Variants in CNIH4 observed in about 807,000 individuals in gnomAD.
CNIH4 encodes cornichon family member 4.
CNIH4 carries 9 observed loss-of-function variants against 21.5 expected under a neutral mutation model. That is an observed-to-expected ratio of 0.42 (90% confidence interval 0.25 to 0.73). The LOEUF (loss-of-function observed/expected upper bound fraction) is 0.73, where lower values mean the gene tolerates loss of function less well. Among genes scored for constraint, CNIH4 ranks in the 30% least tolerant of loss-of-function variants. CNIH4 has a pLI of 0.27. For synonymous variants in CNIH4, 67 were observed against 59.1 expected (o/e 1.13, Z -0.61); for missense variants, 159 against 170.0 (o/e 0.94, Z 0.36).
intron 3 of CNIH4, among the ~76,000 whole-genome samples, chr1:224,366,468 C>T (rs1406503774): frequency 2.0e-5 from 3 of 151,950 alleles, no homozygotes; most frequent in Non-Finnish European, 4.4e-5. Context: ...TCTCCTGCCT[C>T]AGCCTCCTGA....
At chr1:224,370,277 T>C (rs1198194134) in intron 3 of CNIH4, among the ~76,000 whole-genome samples, 1 of 152,032 alleles carries the variant, frequency 6.6e-6, no homozygotes, top group East Asian at 1.9e-4. Flanking sequence ...TGAGATGTTA[T>C]CTGGATATTC....
chr1:224,376,792 A>G lies in CNIH4; in HGVS notation c.*970A>G. 5 of 939,022 alleles carry G rather than the reference A, an allele frequency of 5.3e-6. No homozygotes were observed. The highest frequency in any genetic ancestry group is 5.1e-6 in the Non-Finnish European group (4 of 787,798). The allele number at this position is 939,022 out of a possible 1,614,324, so 58.2% of individuals were successfully genotyped here. ...ACCAAACTCTGTTCCTTGGAGTTAT[A>G]TTGTAAACTCTTGCAGGTGGGAGAG... On this transcript the variant is annotated 3_prime_UTR_variant, in exon 5 of 5. Transcript: ENST00000465271.
At chr1:224,366,223 C>T (rs1362301732) in intron 3 of CNIH4, among the ~76,000 whole-genome samples, 1 of 151,940 alleles carries the variant, frequency 6.6e-6, no homozygotes, top group African/African-American at 2.4e-5. Flanking sequence ...TGTATTTTTA[C>T]TAGAGACAGG....
At chr1:224,364,193 G>A in intron 2 of CNIH4, 1 of 983,790 alleles carries the variant, frequency 1.0e-6, no homozygotes, top group Non-Finnish European at 1.2e-6. Context: ...TTCGAGACCA[G>A]CTCTGGTAAC....
chr1:224,370,073 TAAAAC>T (rs929140043), intron 3 of CNIH4, among the ~76,000 whole-genome samples: 1 of 150,638 alleles, frequency 6.6e-6, no homozygotes, highest in Admixed American at 6.6e-5. Context: ...AAATTAAAAA[TAAAAC>T]AAAAATACAA....
rs1672768410 is a variant in CNIH4, at chr1:224,375,914, T to C, written c.*92T>C. On this transcript the variant is annotated 3_prime_UTR_variant, in exon 5 of 5. Transcript: ENST00000465271. ...TAAATCATCCTTAGAACCGTGACCA[T>C]AGCAGTATATATTTTCCTCTTGGAA... The C allele has an allele frequency of 6.7e-7, 1 of 1,497,774 alleles. No homozygotes were observed. Among genetic ancestry groups the C allele is most frequent in the African/African-American group, 1.4e-5 (1 of 71,336 alleles). The allele number at this position is 1,497,774 out of a possible 1,614,324, so 92.8% of individuals were successfully genotyped here. A position where few individuals can be genotyped will look rare whatever the true frequency, so the allele number is the denominator to read the frequency against.
At chr1:224,367,835 T>C (rs1477207219) in intron 3 of CNIH4, among the ~76,000 whole-genome samples, 1 of 152,224 alleles carries the variant, frequency 6.6e-6, no homozygotes, top group Non-Finnish European at 1.5e-5. Flanking sequence ...CACAGCTAAG[T>C]CTACCTGTAG....
chr1:224,358,305 C>T (rs1014473590), intron 1 of CNIH4, among the ~76,000 whole-genome samples: 1 of 152,232 alleles, frequency 6.6e-6, no homozygotes, highest in Non-Finnish European at 1.5e-5. Context: ...ATTGCTCTGC[C>T]TTCGTGTCCC....
rs925098892 is a variant in CNIH4, at chr1:224,378,993, A to C, written c.*3171A>C. On this transcript the variant is annotated 3_prime_UTR_variant, in exon 5 of 5. Coordinates refer to ENST00000465271, the MANE Select transcript of CNIH4 (RefSeq NM_014184.4). ...TGGCAGTACCCAGGGCCCGGTCCAT[A>C]GACTACTATCGAGTGCTCCTATGTG... 8 of 1,432,356 alleles carry C rather than the reference A, an allele frequency of 5.6e-6. No individual in the cohort carries two copies. Among genetic ancestry groups the C allele is most frequent in the Non-Finnish European group, 7.7e-6 (8 of 1,039,300 alleles). The allele number at this position is 1,432,356 out of a possible 1,614,324, so 88.7% of individuals were successfully genotyped here.
At chr1:224,357,278 G>C (rs1454739334) in intron 1 of CNIH4, 7 of 335,502 alleles carry the variant, frequency 2.1e-5, no homozygotes, top group East Asian at 1.7e-4. Context: ...GCCCCGTCTC[G>C]GCCTGCCCGC....
At chr1:224,362,150 GGCT>G (rs1196168333) in intron 2 of CNIH4, among the ~76,000 whole-genome samples, 9 of 149,130 alleles carry the variant, frequency 6.0e-5, no homozygotes, top group African/African-American at 1.7e-4. Flanking sequence ...GTGCGATCTT[GGCT>G]CACTGCAAGC....
Position 224,360,533 on chromosome 1 carries a change from T to A in CNIH4, c.108T>A (p.Asn36Lys). The A allele has an allele frequency of 6.7e-7, 1 of 1,489,246 alleles. No homozygotes were observed. Among genetic ancestry groups the A allele is most frequent in the East Asian group, 2.5e-5 (1 of 40,054 alleles). 92.3% of individuals were successfully genotyped at this position (1,489,246 alleles called of 1,614,324 possible). The change falls in exon 2 of 5, where the codon AAT (asparagine) becomes AAA (lysine). Residue 36 changes from asparagine to lysine, a missense_variant. By Grantham distance (94) the Asn-to-Lys change is moderately conservative. Coordinates refer to ENST00000465271, the MANE Select transcript of CNIH4 (RefSeq NM_014184.4). ...CTGATTTAGAATGTGATTACATTAATGCTAGATCATGTTGCTCAAAATTAA... is the reference window on the plus strand; with the variant it reads ...CTGATTTAGAATGTGATTACATTAAAGCTAGATCATGTTGCTCAAAATTAA... ...TLSDLECDYINARSCCSKLNK... is the reference protein window; with the variant it reads ...TLSDLECDYIKARSCCSKLNK...
rs760434404 is a variant in CNIH4 at position 224,360,566 on chromosome 1, A to G, written c.138+3A>G. On this transcript the variant is annotated splice_donor_region_variant and intron_variant, in intron 2 of 4. Transcript: ENST00000465271. ...CATGTTGCTCAAAATTAAACAAGGT[A>G]AGACATTTCTTTGCTCATTCTCTGG... 1 of 1,448,824 alleles carries G rather than the reference A, an allele frequency of 6.9e-7. No individual in the cohort carries two copies. Among genetic ancestry groups the G allele is most frequent in the East Asian group, 2.6e-5 (1 of 39,088 alleles). The allele number at this position is 1,448,824 out of a possible 1,614,324, so 89.7% of individuals were successfully genotyped here.
intron 3 of CNIH4, among the ~76,000 whole-genome samples, chr1:224,368,264 G>T (rs998494300): frequency 1.3e-5 from 2 of 152,276 alleles, no homozygotes; most frequent in East Asian, 3.9e-4. Context: ...TCTGGGAGGC[G>T]GAGGTTGCAG....
At chr1:224,362,227 C>T (rs1353641826) in intron 2 of CNIH4, among the ~76,000 whole-genome samples, 1 of 151,774 alleles carries the variant, frequency 6.6e-6, no homozygotes, top group Non-Finnish European at 1.5e-5. Context: ...ACTACAGGCG[C>T]CCACCACCAC....
intron 3 of CNIH4, among the ~76,000 whole-genome samples, chr1:224,367,992 T>G (rs1190050493): frequency 6.6e-6 from 1 of 152,214 alleles, no homozygotes; most frequent in Non-Finnish European, 1.5e-5. Context: ...TGGCATGGCT[T>G]CTTTGTAGAT....
rs1299728609 is a variant in CNIH4, at chr1:224,379,440, G to A, written c.*3618G>A. 8.3e-6 allele frequency: 2 copies of A among 240,210 alleles called. No homozygotes were observed. Among genetic ancestry groups the A allele is most frequent in the African/African-American group, 4.5e-5 (2 of 44,454 alleles). 14.9% of individuals were successfully genotyped at this position (240,210 alleles called of 1,614,324 possible). A position where few individuals can be genotyped will look rare whatever the true frequency, so the allele number is the denominator to read the frequency against. ...CACACAAACAATAAATGATTGTTGA[G>A]TGAATAAGTAAACCTGATTGTGGTG... On this transcript the variant is annotated 3_prime_UTR_variant, in exon 5 of 5. Coordinates refer to ENST00000465271, the MANE Select transcript of CNIH4 (RefSeq NM_014184.4).
intron 2 of CNIH4, among the ~76,000 whole-genome samples, chr1:224,361,589 G>C (rs778596089): frequency 2.6e-5 from 4 of 151,834 alleles, no homozygotes; most frequent in African/African-American, 7.3e-5. Flanking sequence ...CATAAATTTT[G>C]TTTGATTGTT....
intron 1 of CNIH4, chr1:224,357,196 C>T (rs951131026): frequency 1.6e-5 from 9 of 572,660 alleles, no homozygotes; most frequent in African/African-American, 4.0e-5. Context: ...GGCCCTGCTG[C>T]CCTGCACGCA....
Sources: allele counts gnomAD v4.1 joint callset (sites outside exome capture counted in the v4.1 genomes callset), GRCh38; gene constraint gnomAD v4.1.1; transcripts MANE v1.5; gene names NCBI Gene and HGNC (gene_info 2026-07-23, HGNC 2026-07-21).